The following MROH1 variants were observed in gnomAD, a reference collection of about 807,000 sequenced individuals.
The protein encoded by MROH1 is maestro heat-like repeat-containing protein family member 1.
In MROH1, 117 loss-of-function variants were observed where a neutral mutation model predicts 116.5. That is an observed-to-expected ratio of 1.00 (90% CI 0.86 to 1.17). MROH1 has a LOEUF of 1.17. Among genes scored for constraint, MROH1 ranks in the 50% most tolerant of loss-of-function variants. The probability of loss-of-function intolerance (pLI) is 0.00; values close to 1 mark genes in which losing one functional copy is unlikely to be tolerated. For synonymous variants in MROH1, 921 were observed against 583.9 expected (o/e 1.58, Z -8.32); for missense variants, 1,873 against 1,338.5 (o/e 1.40, Z -6.23).
At chr8:144,195,116 G>C in intron 10 of MROH1, among the ~76,000 whole-genome samples, 1 of 148,050 alleles carries the variant, frequency 6.8e-6, no homozygotes, top group African/African-American at 2.5e-5. Flanking sequence ...GATCGCTTGA[G>C]CCCAGGAGGT....
intron 12 of MROH1, among the ~76,000 whole-genome samples, chr8:144,215,924 C>T (rs568440610): frequency 6.6e-5 from 10 of 151,186 alleles, no homozygotes; most frequent in Admixed American, 5.9e-4. Context: ...CGGTGGCTCA[C>T]GCCTGTAATC....
In MROH1 at chr8:144,261,080, G is replaced by A. The variant is rs1332904062; in HGVS notation, c.4672-34G>A. 4.1e-4 allele frequency: 315 copies of A among 774,688 alleles called. 3 individuals carry two copies. Among genetic ancestry groups the A allele is most frequent in the Middle Eastern group, 1.9e-3 (6 of 3,080 alleles). The allele number at this position is 774,688 out of a possible 1,614,324, so 48.0% of individuals were successfully genotyped here. Reference sequence around the variant, plus strand: ...CCAGGCGGGGCGTGGTGGGTGGGGCGGGGCCAGGCGGCACTGACCAGGCCT... The same window carrying A: ...CCAGGCGGGGCGTGGTGGGTGGGGCAGGGCCAGGCGGCACTGACCAGGCCT... On this transcript the variant is annotated intron_variant, in intron 41 of 43. Coordinates refer to ENST00000326134, the MANE Select transcript of MROH1 (RefSeq NM_032450.3).
chr8:144,220,512 C>T (rs1836481688), intron 12 of MROH1, 88 bp from the exon 13 acceptor site: 14 of 1,200,926 alleles, frequency 1.2e-5, no homozygotes, highest in Middle Eastern at 2.2e-4. Flanking sequence ...ACGGGGACCA[C>T]GGGGAAGCCA....
chr8:144,208,732 TTTC>T (rs1236521464), intron 12 of MROH1, among the ~76,000 whole-genome samples: 1 of 152,076 alleles, frequency 6.6e-6, no homozygotes, highest in Non-Finnish European at 1.5e-5. Context: ...TTTTTTCTTT[TTTC>T]TTTTTTGAGA....
At chr8:144,244,680 A>G in intron 28 of MROH1, 141 bp downstream of exon 28, 4 of 667,806 alleles carry the variant, frequency 6.0e-6, no homozygotes, top group Middle Eastern at 3.8e-4. Flanking sequence ...ATGAACAGGC[A>G]GGTGCACCCC....
intron 39 of MROH1, 80 bp from the exon 40 acceptor site, chr8:144,260,597 C>T: frequency 1.3e-6 from 1 of 766,222 alleles, no homozygotes; most frequent in Non-Finnish European, 2.4e-6. Flanking sequence ...GCAAGGGCAC[C>T]CATCAATGGC....
At chr8:144,258,524 T>TGGTGGCCA (rs1844355883) in intron 35 of MROH1, among the ~76,000 whole-genome samples, 1 of 152,208 alleles carries the variant, frequency 6.6e-6, no homozygotes. Flanking sequence ...GCTCTCAGGC[T>TGGTGGCCA]GGTGGCCAGG....
intron 12 of MROH1, among the ~76,000 whole-genome samples, chr8:144,207,175 T>A (rs1182390966): frequency 6.6e-6 from 1 of 150,558 alleles, no homozygotes; most frequent in African/African-American, 2.4e-5. Context: ...AGTCTTTTTT[T>A]TGGGGGGTGG....
chr8:144,186,921 C>T (rs898505074), intron 7 of MROH1, among the ~76,000 whole-genome samples: 1 of 151,890 alleles, frequency 6.6e-6, no homozygotes, highest in African/African-American at 2.4e-5. Flanking sequence ...GGTGAAACCC[C>T]GTCTCAACTA....
rs887967697 is a variant in MROH1 at position 144,237,861 on chromosome 8, G to A, written c.1339-895G>A. Among the ~76,000 whole-genome samples the A allele has an allele frequency of 3.3e-5, 5 of 152,112 alleles. No homozygotes were observed. The East Asian group carries it at 7.7e-4, about 23-fold the overall frequency. ...GTCCCCAGTCTGTGTCCTAACGTTC[G>A]TGTTTCTGGTGGAGTATGTCCTCAC... On this transcript the variant is annotated intron_variant, in intron 14 of 43. Transcript: ENST00000326134.
At chr8:144,226,970 G>C (rs1440584436) in intron 14 of MROH1, among the ~76,000 whole-genome samples, 1 of 152,088 alleles carries the variant, frequency 6.6e-6, no homozygotes, top group South Asian at 2.1e-4. Context: ...TCAGCATGTC[G>C]ATTCTGTATA....
chr8:144,177,251 C>T (rs980204646), intron 4 of MROH1, among the ~76,000 whole-genome samples: 8 of 152,156 alleles, frequency 5.3e-5, no homozygotes, highest in Admixed American at 2.0e-4. Flanking sequence ...GAGATAGTTG[C>T]GTGATTCTGA....
chr8:144,181,442 T>C (rs1055664467), intron 7 of MROH1, among the ~76,000 whole-genome samples: 2 of 152,100 alleles, frequency 1.3e-5, no homozygotes, highest in African/African-American at 4.8e-5. Flanking sequence ...ACCCACCTGC[T>C]CTGCTCCTGG....
At chr8:144,186,412 G>A (rs545620935) in intron 7 of MROH1, among the ~76,000 whole-genome samples, 23 of 152,196 alleles carry the variant, frequency 1.5e-4, no homozygotes, top group Non-Finnish European at 2.9e-4. Context: ...ATGAGCCACT[G>A]CGCCCGGCCC....
rs1022488825 is a variant in MROH1, at chr8:144,239,589, C to T, written c.1633-25C>T. 75 of 770,262 alleles carry T rather than the reference C, an allele frequency of 9.7e-5. 1 individual carries two copies. The highest frequency in any genetic ancestry group is 7.8e-4 in the South Asian group (57 of 72,978). 47.7% of individuals were successfully genotyped at this position (770,262 alleles called of 1,614,324 possible). A position where few individuals can be genotyped will look rare whatever the true frequency, so the allele number is the denominator to read the frequency against. On this transcript the variant is annotated intron_variant, in intron 17 of 43. Coordinates refer to ENST00000326134, the MANE Select transcript of MROH1 (RefSeq NM_032450.3). ...ATGACCAGTGCTCCCTGCTCAGACCCGGCTCCCACGCTGCCTCTTTTCAGG... is the reference window on the plus strand; with the variant it reads ...ATGACCAGTGCTCCCTGCTCAGACCTGGCTCCCACGCTGCCTCTTTTCAGG...
intron 4 of MROH1, among the ~76,000 whole-genome samples, chr8:144,176,811 G>A (rs1028452022): frequency 2.3e-4 from 33 of 142,746 alleles, no homozygotes; most frequent in Non-Finnish European, 2.3e-4. Context: ...CCTGCGCGAC[G>A]AGTGAGACTC....
chr8:144,208,053 C>T (rs1178447608), intron 12 of MROH1, among the ~76,000 whole-genome samples: 6 of 151,350 alleles, frequency 4.0e-5, no homozygotes, highest in Non-Finnish European at 8.8e-5. Flanking sequence ...TCAAGTGATT[C>T]TCCTGCCTCA....
At chr8:144,186,444 G>C (rs1323507214) in intron 7 of MROH1, among the ~76,000 whole-genome samples, 1 of 152,028 alleles carries the variant, frequency 6.6e-6, no homozygotes, top group Non-Finnish European at 1.5e-5. Context: ...TGTGACCTGA[G>C]CATCACCACA....
chr8:144,156,517 G>A (rs1258721117), intron 1 of MROH1, among the ~76,000 whole-genome samples: 3 of 151,682 alleles, frequency 2.0e-5, no homozygotes, highest in African/African-American at 7.3e-5. Context: ...GACCAGCCTG[G>A]CCAACATGGT....
Sources: allele counts gnomAD v4.1 joint callset (sites outside exome capture counted in the v4.1 genomes callset), GRCh38; gene constraint gnomAD v4.1.1; transcripts MANE v1.5; gene names NCBI Gene and HGNC (gene_info 2026-07-23, HGNC 2026-07-21).